The following TMEM132D variants were observed in gnomAD, a reference collection of about 807,000 sequenced individuals.
The protein encoded by TMEM132D is transmembrane protein 132D.
In TMEM132D, 21 loss-of-function variants were observed where a neutral mutation model predicts 62.3. That is an observed-to-expected ratio of 0.34 (90% CI 0.24 to 0.49). TMEM132D has a LOEUF of 0.49. Ranked by LOEUF, TMEM132D falls within the 20% of genes least tolerant of loss-of-function variation. The pLI, the probability that TMEM132D is intolerant of heterozygous loss-of-function variation, is 0.99. For missense variants in TMEM132D, 1,346 were observed against 1,402.8 expected, an observed-to-expected ratio of 0.96 and a Z score of 0.65; for synonymous variants, 621 against 575.6, an observed-to-expected ratio of 1.08 and a Z score of -1.13.
intron 1 of TMEM132D, among the ~76,000 whole-genome samples, chr12:129,742,979 A>T (rs1322088388): frequency 6.6e-6 from 1 of 152,252 alleles, no homozygotes; most frequent in Non-Finnish European, 1.5e-5. Flanking sequence ...TTTTGTCTAA[A>T]TTGACTGAAG....
chr12:129,696,377 T>C (rs1177080330), intron 2 of TMEM132D, among the ~76,000 whole-genome samples: 2 of 152,204 alleles, frequency 1.3e-5, no homozygotes, highest in Non-Finnish European at 1.5e-5. Context: ...CTCAGCAAAG[T>C]GCACATATTT....
chr12:129,266,336 C>A (rs1880694647), intron 4 of TMEM132D, among the ~76,000 whole-genome samples: 1 of 151,840 alleles, frequency 6.6e-6, no homozygotes, highest in Non-Finnish European at 1.5e-5. Context: ...CAGGACTTGG[C>A]TCTTTCCTTC....
intron 3 of TMEM132D, among the ~76,000 whole-genome samples, chr12:129,425,898 A>T (rs1166062010): frequency 6.6e-6 from 1 of 152,262 alleles, no homozygotes; most frequent in Non-Finnish European, 1.5e-5. Context: ...CAACGAGCCA[A>T]CATGGAAAGA....
At chr12:129,519,061 G>T (rs1324832937) in intron 3 of TMEM132D, among the ~76,000 whole-genome samples, 1 of 152,166 alleles carries the variant, frequency 6.6e-6, no homozygotes, top group East Asian at 1.9e-4. Context: ...GCTTTTACAT[G>T]TTAAAGATAC....
chr12:129,549,902 T>C (rs562460380), intron 2 of TMEM132D, among the ~76,000 whole-genome samples: 2 of 152,318 alleles, frequency 1.3e-5, no homozygotes, highest in African/African-American at 4.8e-5. Context: ...AAGTCTGTAA[T>C]GTGTGAGGGA....
intron 1 of TMEM132D, among the ~76,000 whole-genome samples, chr12:129,837,925 A>G (rs142987870): frequency 3.5e-4 from 53 of 152,358 alleles, no homozygotes; most frequent in Non-Finnish European, 6.8e-4. Context: ...TACATCTGTC[A>G]TATATAATTA....
intron 2 of TMEM132D, among the ~76,000 whole-genome samples, chr12:129,653,108 G>A (rs560442522): frequency 9.8e-5 from 15 of 152,314 alleles, no homozygotes; most frequent in Admixed American, 2.6e-4. Context: ...TAGCCCAACC[G>A]TGTGAAGGGA....
intron 3 of TMEM132D, among the ~76,000 whole-genome samples, chr12:129,443,036 C>G (rs955995063): frequency 1.8e-4 from 28 of 152,054 alleles, no homozygotes; most frequent in African/African-American, 6.8e-4. Flanking sequence ...GCCAGGCACC[C>G]TTGCTTCAGG....
At chr12:129,125,888 G>T (rs1041035962) in intron 5 of TMEM132D, among the ~76,000 whole-genome samples, 1 of 152,178 alleles carries the variant, frequency 6.6e-6, no homozygotes. Context: ...GCACTGTGAT[G>T]TGGCCACTTT....
At chr12:129,193,624 T>C (rs528407606) in intron 5 of TMEM132D, among the ~76,000 whole-genome samples, 23 of 152,332 alleles carry the variant, frequency 1.5e-4, no homozygotes, top group African/African-American at 5.1e-4. Flanking sequence ...GGAAATACCA[T>C]AAAAGGGAAA....
intron 2 of TMEM132D, among the ~76,000 whole-genome samples, chr12:129,551,959 G>A (rs1208478364): frequency 1.3e-5 from 2 of 152,164 alleles, no homozygotes; most frequent in Admixed American, 6.5e-5. Context: ...TAGCATATAT[G>A]GGCAGAAATG....
rs551863375 is a variant in TMEM132D at position 129,077,860 on chromosome 12, GAC to G, written c.2115+672_2115+673del. Among the ~76,000 whole-genome samples the G allele has an allele frequency of 3.6e-3, 538 of 149,282 alleles. 1 individual carries two copies. The highest frequency in any genetic ancestry group is 0.012 in the African/African-American group (480 of 40,556). ...CAAGCAACACAAAATACTGACACAA[GAC>G]ACACACATGCATACACAGACACACA... is the stretch of plus-strand genomic sequence containing the variant. On this transcript the variant is annotated intron_variant, in intron 8 of 8. Transcript: ENST00000422113.
At chr12:129,484,326 CCCTT>C (rs1332417058) in intron 3 of TMEM132D, among the ~76,000 whole-genome samples, 3 of 152,154 alleles carry the variant, frequency 2.0e-5, no homozygotes, top group Admixed American at 1.3e-4. Flanking sequence ...CATCAACTGT[CCCTT>C]AACTCTTCAC....
chr12:129,231,622 CCTAA>C (rs1176414903), intron 4 of TMEM132D, among the ~76,000 whole-genome samples: 2 of 152,222 alleles, frequency 1.3e-5, no homozygotes, highest in South Asian at 2.1e-4. Flanking sequence ...GCAGAAGCAT[CCTAA>C]CTGACATTCA....
At chr12:129,415,779 A>C (rs1004058861) in intron 3 of TMEM132D, among the ~76,000 whole-genome samples, 3 of 152,182 alleles carry the variant, frequency 2.0e-5, no homozygotes, top group African/African-American at 7.2e-5. Context: ...ATCCTTAAGG[A>C]CCATCCACAC....
intron 1 of TMEM132D, among the ~76,000 whole-genome samples, chr12:129,822,146 G>A (rs1872555546): frequency 6.6e-6 from 1 of 152,106 alleles, no homozygotes; most frequent in African/African-American, 2.4e-5. Flanking sequence ...GGACAGGAGT[G>A]GAAGAGTCAG....
chr12:129,311,197 C>CAAAAAA (rs60836498), intron 4 of TMEM132D, among the ~76,000 whole-genome samples: 5 of 29,670 alleles, frequency 1.7e-4, no homozygotes, highest in African/African-American at 9.5e-4. Flanking sequence ...GACTCCGTCT[C>CAAAAAA]AAAAAAAAAA....
chr12:129,762,669 C>T (rs1016400391), intron 1 of TMEM132D, among the ~76,000 whole-genome samples: 1 of 152,138 alleles, frequency 6.6e-6, no homozygotes, highest in Non-Finnish European at 1.5e-5. Context: ...CTTCTCCTGA[C>T]ATGGAACCTG....
chr12:129,454,479 A>T (rs1453295841), intron 3 of TMEM132D, among the ~76,000 whole-genome samples: 4 of 152,120 alleles, frequency 2.6e-5, no homozygotes, highest in African/African-American at 9.7e-5. Flanking sequence ...GAAGTCTCCT[A>T]TTTTTCTTCC....
Sources: allele counts gnomAD v4.1 joint callset (sites outside exome capture counted in the v4.1 genomes callset), GRCh38; gene constraint gnomAD v4.1.1; transcripts MANE v1.5; gene names NCBI Gene and HGNC (gene_info 2026-07-23, HGNC 2026-07-21).